TMTC2: variants seen among roughly 807,000 people sequenced by gnomAD.
The protein encoded by TMTC2 is protein O-mannosyl-transferase TMTC2.
Under a neutral mutation model 82.4 loss-of-function variants are expected in TMTC2, and 43 were observed. The ratio of observed to expected loss-of-function variants is 0.52; its 90% confidence interval spans 0.41 to 0.67. TMTC2 has a LOEUF of 0.67. TMTC2 is among the 30% of genes least tolerant of loss of function. TMTC2 has a pLI of 0.00. For missense variants in TMTC2, 919 were observed against 1,012.4 expected (o/e 0.91, Z 1.25); for synonymous variants, 408 against 381.9 (o/e 1.07, Z -0.80).
intron 2 of TMTC2, among the ~76,000 whole-genome samples, chr12:82,881,994 A>ATTTTTT (rs869127384): frequency 1.5e-4 from 16 of 107,268 alleles, no homozygotes; most frequent in Middle Eastern, 5.6e-3. Context: ...TGTTGTTAAG[A>ATTTTTT]TTTTTTTTTT....
chr12:83,045,294 C>T (rs928226352), intron 9 of TMTC2, among the ~76,000 whole-genome samples: 2 of 151,776 alleles, frequency 1.3e-5, no homozygotes, highest in African/African-American at 2.4e-5. Flanking sequence ...ATTTTTTTCT[C>T]CCTGTAATTT....
chr12:82,914,466 A>G (rs527242142), intron 3 of TMTC2, among the ~76,000 whole-genome samples: 18 of 152,332 alleles, frequency 1.2e-4, no homozygotes, highest in Admixed American at 5.9e-4. Context: ...GAGAGGTACT[A>G]TATTTATAAC....
chr12:83,019,754 A>C (rs1880830345), intron 8 of TMTC2, among the ~76,000 whole-genome samples: 1 of 152,260 alleles, frequency 6.6e-6, no homozygotes, highest in Admixed American at 6.5e-5. Flanking sequence ...CTCTCATGTC[A>C]GTCCACTAAT....
chr12:82,978,806 G>T (rs1398824652), intron 7 of TMTC2, among the ~76,000 whole-genome samples: 1 of 151,662 alleles, frequency 6.6e-6, no homozygotes, highest in East Asian at 1.9e-4. Context: ...AGCTATTATT[G>T]TATTGGGGTC....
chr12:83,090,705 G>T (rs1883816704), intron 11 of TMTC2, among the ~76,000 whole-genome samples: 1 of 151,988 alleles, frequency 6.6e-6, no homozygotes, highest in Admixed American at 6.6e-5. Flanking sequence ...TTGCACAGTT[G>T]CCTGCTTCCT....
chr12:83,067,462 A>G (rs1477327560), intron 11 of TMTC2, among the ~76,000 whole-genome samples: 1 of 152,062 alleles, frequency 6.6e-6, no homozygotes, highest in Admixed American at 6.6e-5. Flanking sequence ...TGCAAAGGAA[A>G]TATCAGAGAT....
chr12:83,083,773 A>G (rs987522295), intron 11 of TMTC2, among the ~76,000 whole-genome samples: 1 of 152,182 alleles, frequency 6.6e-6, no homozygotes, highest in Non-Finnish European at 1.5e-5. Context: ...CTAGGGCTCT[A>G]AATGCAAGCC....
At chr12:83,024,172 G>C (rs1294249594) in intron 8 of TMTC2, among the ~76,000 whole-genome samples, 2 of 152,066 alleles carry the variant, frequency 1.3e-5, no homozygotes, top group African/African-American at 2.4e-5. Context: ...AACACACTCT[G>C]ACTTGGTCAT....
intron 1 of TMTC2, among the ~76,000 whole-genome samples, chr12:82,748,134 C>A (rs1412443059): frequency 2.0e-5 from 3 of 151,924 alleles, no homozygotes; most frequent in Non-Finnish European, 2.9e-5. Context: ...CAGGGTGAAA[C>A]CCTGTCTTTC....
intron 11 of TMTC2, among the ~76,000 whole-genome samples, chr12:83,073,263 T>G (rs1157226251): frequency 6.6e-6 from 1 of 152,156 alleles, no homozygotes; most frequent in African/African-American, 2.4e-5. Context: ...TACAAAATTC[T>G]TGGCTGATAA....
intron 1 of TMTC2, among the ~76,000 whole-genome samples, chr12:82,846,065 T>C (rs907504199): frequency 6.6e-6 from 1 of 152,024 alleles, no homozygotes; most frequent in African/African-American, 2.4e-5. Flanking sequence ...TTTCTCCTAC[T>C]AAGAGGAAAG....
intron 8 of TMTC2, among the ~76,000 whole-genome samples, chr12:83,029,198 G>A (rs894932899): frequency 2.6e-5 from 4 of 152,244 alleles, no homozygotes; most frequent in African/African-American, 7.2e-5. Context: ...TCAAAGCTGC[G>A]TACCATGTAG....
chr12:82,903,306 T>A (rs1293671351), intron 3 of TMTC2, among the ~76,000 whole-genome samples: 2 of 152,226 alleles, frequency 1.3e-5, no homozygotes, highest in Non-Finnish European at 2.9e-5. Context: ...TATCACTATT[T>A]GACATACTAT....
chr12:82,977,753 T>C (rs1406621210), intron 7 of TMTC2, among the ~76,000 whole-genome samples: 1 of 151,822 alleles, frequency 6.6e-6, no homozygotes, highest in African/African-American at 2.4e-5. Context: ...TTTGAGGTTA[T>C]AATAAGAGTT....
At chr12:82,733,139 G>C (rs561944887) in intron 1 of TMTC2, among the ~76,000 whole-genome samples, 2 of 152,204 alleles carry the variant, frequency 1.3e-5, no homozygotes, top group East Asian at 3.9e-4. Context: ...TGTTAAGAAA[G>C]TAAGTTGAGT....
chr12:82,953,225 A>G (rs1877441521), intron 4 of TMTC2, among the ~76,000 whole-genome samples: 1 of 152,194 alleles, frequency 6.6e-6, no homozygotes, highest in African/African-American at 2.4e-5. Flanking sequence ...TGCTCGTGAC[A>G]TGACCAAACC....
At chr12:82,914,931 T>C (rs1198707966) in intron 3 of TMTC2, among the ~76,000 whole-genome samples, 1 of 151,496 alleles carries the variant, frequency 6.6e-6, no homozygotes, top group Non-Finnish European at 1.5e-5. Flanking sequence ...GTTCAAGTGA[T>C]TCTCCTTCCT....
At chr12:83,088,595 C>T (rs746232661) in intron 11 of TMTC2, among the ~76,000 whole-genome samples, 3 of 152,014 alleles carry the variant, frequency 2.0e-5, no homozygotes, top group African/African-American at 4.8e-5. Context: ...TGGGGAGGCC[C>T]GAGGAGAAGG....
chr12:82,820,632 C>T lies in TMTC2; in HGVS notation c.84-36378C>T, dbSNP rs1412215067. On this transcript the variant is annotated intron_variant, in intron 1 of 11. Coordinates refer to ENST00000321196, the MANE Select transcript of TMTC2 (RefSeq NM_152588.3). ...TCAGGTGATCTGCCTGCCTCAGCCTCCCAAAGTGCTGGGATTACAGGCGTG... is the reference window on the plus strand; with the variant it reads ...TCAGGTGATCTGCCTGCCTCAGCCTTCCAAAGTGCTGGGATTACAGGCGTG... 4.6e-5 allele frequency among the ~76,000 whole-genome samples: 7 copies of T among 152,170 alleles called. 1 individual carries two copies. In the East Asian group the frequency reaches 1.4e-3, roughly 29 times the overall value.
Sources: allele counts gnomAD v4.1 joint callset (sites outside exome capture counted in the v4.1 genomes callset), GRCh38; gene constraint gnomAD v4.1.1; transcripts MANE v1.5; gene names NCBI Gene and HGNC (gene_info 2026-07-23, HGNC 2026-07-21).